Variants in VPS13B observed in about 807,000 individuals in gnomAD.
VPS13B encodes intermembrane lipid transfer protein VPS13B.
A neutral mutation model predicts 426.4 loss-of-function variants in VPS13B; 285 were observed. That is an observed-to-expected ratio of 0.67 (90% CI 0.61 to 0.74). The LOEUF is 0.74. Among genes scored for constraint, VPS13B ranks in the 30% least tolerant of loss-of-function variants. The probability of loss-of-function intolerance (pLI) is 0.00; values close to 1 mark genes in which losing one functional copy is unlikely to be tolerated. For missense variants in VPS13B, 4,537 were observed against 4,782.6 expected (o/e 0.95, Z 1.51); for synonymous variants, 1,676 against 1,676.4 (o/e 1.00, Z 0.01).
At chr8:99,426,035 A>G (rs1175681196) in intron 21 of VPS13B, among the ~76,000 whole-genome samples, 3 of 148,018 alleles carry the variant, frequency 2.0e-5, no homozygotes, top group Non-Finnish European at 4.5e-5. Context: ...AGCATTAGGT[A>G]TATCTACCAA....
In VPS13B at chr8:99,659,632, C is replaced by T. The variant is rs1830148309; in HGVS notation, c.5909-1722C>T. On this transcript the variant is annotated intron_variant, in intron 34 of 61. Transcript: ENST00000357162. ...ATGCCACAAGGATAACCATTCTCAG[C>T]GCCATGTAAGTTTGAATATGCAGTT... Among the ~76,000 whole-genome samples the T allele has an allele frequency of 2.6e-5, 4 of 152,162 alleles. No individual in the cohort carries two copies. In the South Asian group the frequency reaches 6.2e-4, roughly 24 times the overall value.
At chr8:99,452,019 T>A (rs1305120419) in intron 23 of VPS13B, among the ~76,000 whole-genome samples, 2 of 152,196 alleles carry the variant, frequency 1.3e-5, no homozygotes, top group Non-Finnish European at 2.9e-5. Context: ...GTGCAATCCT[T>A]TTGATGGCTT....
intron 19 of VPS13B, among the ~76,000 whole-genome samples, chr8:99,381,726 G>A (rs1813822692): frequency 6.6e-6 from 1 of 150,896 alleles, no homozygotes; most frequent in South Asian, 2.1e-4. Context: ...GTCTGTTCAT[G>A]TCCTTTGCCC....
intron 41 of VPS13B, 121 bp downstream of exon 41, chr8:99,777,077 A>C (rs1811778048): frequency 8.0e-7 from 1 of 1,256,664 alleles, no homozygotes; most frequent in Non-Finnish European, 1.2e-6. Flanking sequence ...TAAAGCGAGC[A>C]GTGGCAAAGT....
rs373951261 is a variant in VPS13B, at chr8:99,794,377, C to T, written c.7941+9901C>T. On this transcript the variant is annotated intron_variant, in intron 43 of 61. Coordinates refer to ENST00000357162, the MANE Select transcript of VPS13B (RefSeq NM_152564.5). ...TGTACAATGGTATACGATAGGCATA[C>T]GATAACTACAGTAGACATTTCCATG... 3.9e-5 allele frequency among the ~76,000 whole-genome samples: 6 copies of T among 152,060 alleles called. No homozygotes were observed. In the South Asian group the frequency reaches 6.2e-4, roughly 16 times the overall value.
At chr8:99,838,296 C>T (rs1815501594) in intron 54 of VPS13B, among the ~76,000 whole-genome samples, 1 of 152,130 alleles carries the variant, frequency 6.6e-6, no homozygotes, top group South Asian at 2.1e-4. Context: ...TCTTTAGGTG[C>T]TCAATAAATA....
chr8:99,737,324 G>A (rs1043200668), intron 39 of VPS13B, among the ~76,000 whole-genome samples: 3 of 151,404 alleles, frequency 2.0e-5, no homozygotes, highest in African/African-American at 7.3e-5. Context: ...GTTTCACCGT[G>A]TTAGCCAGGA....
chr8:99,718,695 C>A (rs1833015383), intron 37 of VPS13B, among the ~76,000 whole-genome samples: 1 of 146,178 alleles, frequency 6.8e-6, no homozygotes. Flanking sequence ...GAGACAGAAT[C>A]TCATTTTGTT....
chr8:99,834,975 C>T (rs549590394), intron 52 of VPS13B, among the ~76,000 whole-genome samples: 1 of 152,330 alleles, frequency 6.6e-6, no homozygotes, highest in African/African-American at 2.4e-5. Flanking sequence ...AGCTATAGTT[C>T]TCTCTGGGTG....
intron 3 of VPS13B, among the ~76,000 whole-genome samples, chr8:99,086,319 T>G (rs1375618034): frequency 6.6e-6 from 1 of 152,236 alleles, no homozygotes; most frequent in Non-Finnish European, 1.5e-5. Context: ...TCAGATCCTT[T>G]AAGGACTTCT....
At chr8:99,364,542 C>T (rs190258260) in intron 19 of VPS13B, among the ~76,000 whole-genome samples, 14 of 152,218 alleles carry the variant, frequency 9.2e-5, no homozygotes, top group Non-Finnish European at 1.5e-4. Context: ...AAGTGACCCT[C>T]CCACCTCAGC....
At chr8:99,603,495 T>C (rs1194760528) in intron 33 of VPS13B, among the ~76,000 whole-genome samples, 1 of 152,192 alleles carries the variant, frequency 6.6e-6, no homozygotes, top group Non-Finnish European at 1.5e-5. Flanking sequence ...TTAGGGCCAT[T>C]ATTAAAATAA....
At chr8:99,757,315 G>C (rs948005036) in intron 39 of VPS13B, among the ~76,000 whole-genome samples, 25 of 152,274 alleles carry the variant, frequency 1.6e-4, no homozygotes, top group African/African-American at 6.0e-4. Flanking sequence ...TGTCATAGTT[G>C]AGCAGACCTG....
chr8:99,844,881 C>A (rs1350820475), intron 54 of VPS13B, among the ~76,000 whole-genome samples: 3 of 152,288 alleles, frequency 2.0e-5, no homozygotes, highest in East Asian at 1.9e-4. Context: ...CTGGCCAATT[C>A]TTTCCTGAGC....
intron 28 of VPS13B, chr8:99,507,932 A>G (rs746927041): frequency 4.3e-6 from 7 of 1,613,940 alleles, no homozygotes; most frequent in Middle Eastern, 1.7e-4. Flanking sequence ...ACTTTAAATT[A>G]TGCTACACAA....
At chr8:99,194,252 G>C (rs1424484470) in intron 17 of VPS13B, among the ~76,000 whole-genome samples, 2 of 152,156 alleles carry the variant, frequency 1.3e-5, no homozygotes, top group Non-Finnish European at 2.9e-5. Flanking sequence ...CTTATGAAAA[G>C]ACTTAGAGTT....
intron 25 of VPS13B, among the ~76,000 whole-genome samples, chr8:99,494,873 T>C (rs1820805488): frequency 6.6e-6 from 1 of 152,110 alleles, no homozygotes; most frequent in Non-Finnish European, 1.5e-5. Flanking sequence ...CAAAGACATA[T>C]TGACAAACTG....
intron 47 of VPS13B, among the ~76,000 whole-genome samples, 193 bp from the exon 48 acceptor site, chr8:99,819,219 C>T (rs908224156): frequency 6.6e-6 from 1 of 151,910 alleles, no homozygotes; most frequent in African/African-American, 2.4e-5. Flanking sequence ...AGATCAACAC[C>T]CAGGAATTGA....
intron 23 of VPS13B, among the ~76,000 whole-genome samples, chr8:99,458,093 G>C (rs1443279625): frequency 1.6e-5 from 2 of 124,072 alleles, no homozygotes; most frequent in Non-Finnish European, 3.2e-5. Context: ...ACAGGCCCCG[G>C]TGTGTGATGT....
Sources: gnomAD v4.1 joint callset for allele counts (sites outside exome capture counted in the v4.1 genomes callset) on GRCh38, gnomAD v4.1.1 for gene constraint, MANE v1.5 for transcripts, NCBI Gene and HGNC (gene_info 2026-07-23, HGNC 2026-07-21) for gene names.